The following LDLRAD4 variants were observed in gnomAD, a reference collection of about 807,000 sequenced individuals.
LDLRAD4 encodes the protein low density lipoprotein receptor class A domain containing 4.
Under a neutral mutation model 17.0 loss-of-function variants are expected in LDLRAD4, and 5 were observed. The observed-to-expected ratio is 0.29, with a 90% CI of 0.15 to 0.62. The LOEUF is 0.62. LDLRAD4 is among the 20% of genes least tolerant of loss of function. The pLI is 0.84. For missense variants in LDLRAD4, 340 were observed against 424.7 expected, an observed-to-expected ratio of 0.80 and a Z score of 1.75; for synonymous variants, 168 against 171.8, an observed-to-expected ratio of 0.98 and a Z score of 0.17.
intron 3 of LDLRAD4, among the ~76,000 whole-genome samples, chr18:13,491,836 C>T (rs928271909): frequency 3.3e-5 from 5 of 152,176 alleles, no homozygotes; most frequent in Admixed American, 6.5e-5. Flanking sequence ...GTCTGCACCA[C>T]GTCAGGCCAA....
At chr18:13,264,190 G>A (rs188517008) in intron 1 of LDLRAD4, among the ~76,000 whole-genome samples, 1 of 152,254 alleles carries the variant, frequency 6.6e-6, no homozygotes, top group Admixed American at 6.5e-5. Context: ...GAGCGAGTGG[G>A]GGCTGGTTGC....
intron 3 of LDLRAD4, among the ~76,000 whole-genome samples, chr18:13,564,723 C>T (rs1310603383): frequency 6.6e-6 from 1 of 152,108 alleles, no homozygotes; most frequent in Non-Finnish European, 1.5e-5. Context: ...CTGGCGGGGC[C>T]GTGAGTCTGG....
Position 13,424,148 on chromosome 18 carries a change from GAAAGA to G in LDLRAD4, c.41-14092_41-14088del, listed in dbSNP as rs1379898406. On this transcript the variant is annotated intron_variant, in intron 2 of 5. Coordinates refer to ENST00000359446, the Ensembl canonical transcript of LDLRAD4. The stretch of plus-strand genomic sequence containing the variant: ...GAAACTCCATCTCAAAGAAAAAAAA[GAAAGA>G]AAAAAAAAAACTTCCAGTGTTTTAT... 5.6e-3 allele frequency among the ~76,000 whole-genome samples: 563 copies of G among 100,692 alleles called. 6 individuals are homozygous for G. Among genetic ancestry groups the G allele is most frequent in the South Asian group, 0.034 (99 of 2,888 alleles). The allele number at this position is 100,692 out of a possible 152,430, so 66.1% of individuals were successfully genotyped here.
chr18:13,410,498 A>G (rs2088235465), intron 2 of LDLRAD4, among the ~76,000 whole-genome samples: 1 of 152,242 alleles, frequency 6.6e-6, no homozygotes, highest in Non-Finnish European at 1.5e-5. Flanking sequence ...TAAGAAGTTT[A>G]CAGAAACCTT....
chr18:13,569,204 C>A (rs998207672), intron 3 of LDLRAD4, among the ~76,000 whole-genome samples: 2 of 152,254 alleles, frequency 1.3e-5, no homozygotes, highest in Non-Finnish European at 2.9e-5. Context: ...ACTCCTGGGG[C>A]CTTCCCCACA....
At chr18:13,236,773 C>T (rs2042360916) in intron 1 of LDLRAD4, among the ~76,000 whole-genome samples, 1 of 152,160 alleles carries the variant, frequency 6.6e-6, no homozygotes, top group African/African-American at 2.4e-5. Flanking sequence ...GTCGGACTTT[C>T]AGATCACAGT....
At chr18:13,466,760 C>T (rs1456409193) in intron 3 of LDLRAD4, among the ~76,000 whole-genome samples, 3 of 152,246 alleles carry the variant, frequency 2.0e-5, no homozygotes, top group East Asian at 1.9e-4. Flanking sequence ...AGTCTGAGAT[C>T]GGGGCACCAC....
At chr18:13,426,478 C>T (rs1480865836) in intron 2 of LDLRAD4, among the ~76,000 whole-genome samples, 1 of 152,188 alleles carries the variant, frequency 6.6e-6, no homozygotes, top group African/African-American at 2.4e-5. Flanking sequence ...GTGAGAGGTT[C>T]CCATCTCTCT....
chr18:13,320,804 C>G (rs2081175867), intron 1 of LDLRAD4, among the ~76,000 whole-genome samples: 1 of 152,160 alleles, frequency 6.6e-6, no homozygotes, highest in Admixed American at 6.5e-5. Context: ...CCCTGAGTGT[C>G]ACAAATGCCC....
chr18:13,479,550 G>T (rs113334937), intron 3 of LDLRAD4, among the ~76,000 whole-genome samples: 11,440 of 152,180 alleles, frequency 0.075, 530 homozygotes, highest in Non-Finnish European at 0.11. Flanking sequence ...GAACCCGGGA[G>T]GCGGAGGCTG....
At chr18:13,525,483 G>A (rs576425267) in intron 3 of LDLRAD4, among the ~76,000 whole-genome samples, 2 of 152,228 alleles carry the variant, frequency 1.3e-5, no homozygotes, top group East Asian at 3.8e-4. Flanking sequence ...GCAGGAAAAC[G>A]TGGGCATTCC....
At chr18:13,452,306 T>C (rs1397096682) in intron 3 of LDLRAD4, among the ~76,000 whole-genome samples, 1 of 152,034 alleles carries the variant, frequency 6.6e-6, no homozygotes, top group East Asian at 1.9e-4. Context: ...CAGCGGCGGC[T>C]CCTGGCCACC....
chr18:13,553,169 T>G, intron 3 of LDLRAD4, among the ~76,000 whole-genome samples: 1 of 152,218 alleles, frequency 6.6e-6, no homozygotes, highest in East Asian at 1.9e-4. Context: ...TAATAAAGAC[T>G]TATAGCTTGT....
At chr18:13,422,459 G>T (rs1017216235) in intron 2 of LDLRAD4, among the ~76,000 whole-genome samples, 4 of 152,128 alleles carry the variant, frequency 2.6e-5, no homozygotes, top group Non-Finnish European at 4.4e-5. Context: ...CACTTTGGGA[G>T]GTGAAGGTGG....
chr18:13,478,425 TC>T (rs2093002050), intron 3 of LDLRAD4, among the ~76,000 whole-genome samples: 1 of 152,212 alleles, frequency 6.6e-6, no homozygotes. Context: ...AAAACAAAAT[TC>T]AGCTGTGTCT....
intron 3 of LDLRAD4, among the ~76,000 whole-genome samples, chr18:13,465,820 G>T (rs1240832251): frequency 6.6e-6 from 1 of 152,148 alleles, no homozygotes; most frequent in African/African-American, 2.4e-5. Flanking sequence ...GCTGAGTTGT[G>T]GACATGTGTA....
In LDLRAD4 at chr18:13,621,645, T is replaced by G. The variant is rs1333920813; in HGVS notation, c.336+374T>G. Reference sequence around the variant, plus strand: ...TTGTGAGATTCATTGTGTTGTAAAATCCTGTCCTGAGCTGGGTCCTGGAGG... The same window carrying G: ...TTGTGAGATTCATTGTGTTGTAAAAGCCTGTCCTGAGCTGGGTCCTGGAGG... On this transcript the variant is annotated intron_variant, in intron 4 of 5. Coordinates refer to ENST00000359446, the Ensembl canonical transcript of LDLRAD4. The surrounding 1 kb of genome is among the most constrained non-coding windows in gnomAD (Gnocchi z 5.5). 6.6e-6 allele frequency among the ~76,000 whole-genome samples: 1 copy of G among 152,154 alleles called. No individual in the cohort carries two copies. Among genetic ancestry groups the G allele is most frequent in the African/African-American group, 2.4e-5 (1 of 41,440 alleles).
chr18:13,230,045 G>A (rs1339499025), intron 1 of LDLRAD4, among the ~76,000 whole-genome samples: 2 of 152,182 alleles, frequency 1.3e-5, no homozygotes, highest in Non-Finnish European at 2.9e-5. Context: ...ATAGTATTGA[G>A]CGATGGGGCT....
chr18:13,548,157 C>T (rs1322375821), intron 3 of LDLRAD4, among the ~76,000 whole-genome samples: 1 of 152,124 alleles, frequency 6.6e-6, no homozygotes, highest in Non-Finnish European at 1.5e-5. Context: ...TTGTCATCTG[C>T]CTGAGTCTGG....
Sources: gnomAD v4.1 joint callset for allele counts (sites outside exome capture counted in the v4.1 genomes callset) on GRCh38, gnomAD v4.1.1 for gene constraint, Gnocchi (gnomAD v3.1) non-coding constraint, MANE v1.5 for transcripts, NCBI Gene and HGNC (gene_info 2026-07-23, HGNC 2026-07-21) for gene names.